CNTNAP3B: variants seen among roughly 807,000 people sequenced by gnomAD.
CNTNAP3B encodes contactin-associated protein-like 3B.
In CNTNAP3B, 25 loss-of-function variants were observed where a neutral mutation model predicts 108.9. That is an observed-to-expected ratio of 0.23 (90% CI 0.17 to 0.32). The LOEUF is 0.32. CNTNAP3B is among the 10% of genes least tolerant of loss of function. The pLI is 1.00. For synonymous variants in CNTNAP3B, 103 were observed against 473.4 expected, an observed-to-expected ratio of 0.22 and a Z score of 10.16; for missense variants, 252 against 1,210.4, an observed-to-expected ratio of 0.21 and a Z score of 11.75.
chr9:41,947,748 C>T (rs1824567330), intron 13 of CNTNAP3B, among the ~76,000 whole-genome samples: 1 of 152,032 alleles, frequency 6.6e-6, no homozygotes. Context: ...AAATCTAGTT[C>T]TAAAAAACAG....
Position 41,965,324 on chromosome 9 carries a change from C to A in CNTNAP3B, c.1650-680G>T, listed in dbSNP as rs1344504570. 3.7e-4 allele frequency among the ~76,000 whole-genome samples: 57 copies of A among 152,102 alleles called. No individual in the cohort carries two copies. The South Asian group carries it at 0.011, about 31-fold the overall frequency. On this transcript the variant is annotated intron_variant, in intron 10 of 23. Transcript: ENST00000377561. The stretch of plus-strand genomic sequence containing the variant: ...TGAACCAGCCAATGTTGAAAAAGAA[C>A]AGTTGGAGGTCTCACACTTTCAGAA...
chr9:41,955,446 T>A (rs1587141641), intron 12 of CNTNAP3B, among the ~76,000 whole-genome samples: 3 of 152,302 alleles, frequency 2.0e-5, no homozygotes, highest in African/African-American at 7.2e-5. Flanking sequence ...GTTTCCCTAA[T>A]TGCTCATAAT....
chr9:41,951,380 C>T (rs1824674880), intron 13 of CNTNAP3B, among the ~76,000 whole-genome samples: 2 of 98,364 alleles, frequency 2.0e-5, no homozygotes, highest in African/African-American at 3.8e-5. Context: ...TTTTTTTAAA[C>T]GATTCCAAAG....
At chr9:41,931,747 T>C (rs1823984887) in intron 14 of CNTNAP3B, among the ~76,000 whole-genome samples, 2 of 149,044 alleles carry the variant, frequency 1.3e-5, no homozygotes, top group African/African-American at 5.0e-5. Flanking sequence ...CTAGGAAATT[T>C]TTTATTAATG....
At chr9:42,096,909 TG>T (rs1233489685) in intron 2 of CNTNAP3B, among the ~76,000 whole-genome samples, 2 of 127,436 alleles carry the variant, frequency 1.6e-5, no homozygotes, top group Non-Finnish European at 3.3e-5. Context: ...TCCGTAACAG[TG>T]GCATGAAACT....
At chr9:41,956,114 T>A (rs142995674) in intron 12 of CNTNAP3B, among the ~76,000 whole-genome samples, 19,505 of 150,204 alleles carry the variant, frequency 0.13, 535 homozygotes, top group South Asian at 0.19. Flanking sequence ...TGGCCAGGCG[T>A]GGTGGCTCAC....
chr9:42,119,981 T>G (rs1233129104), intron 1 of CNTNAP3B, among the ~76,000 whole-genome samples: 1 of 143,804 alleles, frequency 7.0e-6, no homozygotes. Flanking sequence ...AAATGGGATC[T>G]AATTAAACTA....
Position 42,067,994 on chromosome 9 carries a change from C to T in CNTNAP3B, c.390+8875G>A, listed in dbSNP as rs1472339913. Among the ~76,000 whole-genome samples the T allele has an allele frequency of 7.0e-4, 97 of 138,334 alleles. 21 individuals are homozygous for T. The highest frequency in any genetic ancestry group is 2.7e-3 in the African/African-American group (94 of 34,686). 90.8% of individuals were successfully genotyped at this position (138,334 alleles called of 152,430 possible). A position where few individuals can be genotyped will look rare whatever the true frequency, so the allele number is the denominator to read the frequency against. The stretch of plus-strand genomic sequence containing the variant: ...TATTGAGATAATTTATCACTATAGC[C>T]AAAGTTTCAGTGTAGAAAAACACCC... On this transcript the variant is annotated intron_variant, in intron 3 of 23. Coordinates refer to ENST00000377561, the MANE Select transcript of CNTNAP3B (RefSeq NM_001201380.3).
At chr9:41,928,620 T>C (rs1282320162) in intron 15 of CNTNAP3B, among the ~76,000 whole-genome samples, 1 of 152,304 alleles carries the variant, frequency 6.6e-6, no homozygotes, top group Non-Finnish European at 1.5e-5. Flanking sequence ...CTCTCAGAAG[T>C]AGCCCCCACA....
chr9:42,103,516 G>T (rs1755857865), intron 2 of CNTNAP3B, among the ~76,000 whole-genome samples: 1 of 119,208 alleles, frequency 8.4e-6, no homozygotes, highest in South Asian at 2.7e-4. Context: ...GAGGTGAGGA[G>T]ATCCAGACCA....
chr9:42,121,291 T>C (rs1828456705), intron 1 of CNTNAP3B, among the ~76,000 whole-genome samples: 1 of 139,406 alleles, frequency 7.2e-6, no homozygotes, highest in Non-Finnish European at 1.5e-5. Flanking sequence ...ATTTTTCTTC[T>C]CTATTCCATT....
intron 3 of CNTNAP3B, among the ~76,000 whole-genome samples, chr9:42,018,882 G>A (rs1408280586): frequency 5.3e-5 from 8 of 150,956 alleles, no homozygotes; most frequent in Non-Finnish European, 7.4e-5. Context: ...AGACTCTCAC[G>A]TATCTCTAAA....
chr9:41,954,847 C>A (rs549766259), intron 12 of CNTNAP3B, among the ~76,000 whole-genome samples: 2 of 152,246 alleles, frequency 1.3e-5, no homozygotes, highest in Non-Finnish European at 2.9e-5. Flanking sequence ...CCACACCTGG[C>A]TAATTTTTGT....
At chr9:42,041,428 G>T (rs1372299586) in intron 3 of CNTNAP3B, among the ~76,000 whole-genome samples, 11 of 151,356 alleles carry the variant, frequency 7.3e-5, no homozygotes, top group African/African-American at 2.7e-4. Flanking sequence ...GTGGGCAAAG[G>T]ATATGAACAG....
rs1823945606 is a variant in CNTNAP3B, at chr9:41,930,482, G to A, written c.2238-1038C>T. Among the ~76,000 whole-genome samples, 3 of 152,388 alleles carry A rather than the reference G, an allele frequency of 2.0e-5. No homozygotes were observed. The South Asian group carries it at 6.2e-4, about 32-fold the overall frequency. On this transcript the variant is annotated intron_variant, in intron 14 of 23. Transcript: ENST00000377561. ...CCCTTGAGCCTGGGAGGTAGAGGCT[G>A]TAGTGAGCCATGTGTGCAACACTGC...
intron 1 of CNTNAP3B, among the ~76,000 whole-genome samples, chr9:42,113,709 T>C (rs1828248756): frequency 7.2e-6 from 1 of 139,236 alleles, no homozygotes; most frequent in Admixed American, 7.2e-5. Flanking sequence ...ATAGAAAAAA[T>C]GAATAACACC....
At chr9:41,956,240 G>T (rs1824853626) in intron 12 of CNTNAP3B, among the ~76,000 whole-genome samples, 2 of 151,858 alleles carry the variant, frequency 1.3e-5, no homozygotes, top group South Asian at 4.2e-4. Context: ...CAAAAAATTA[G>T]CCGGGCGTGG....
In CNTNAP3B at chr9:41,970,002, T is replaced by C; in HGVS notation, c.1649+72A>G. On this transcript the variant is annotated intron_variant, in intron 10 of 23. Transcript: ENST00000377561. ...ACGAAAAAGAGAACGGAATGCCTTT[T>C]TCCAGCTCTCTACATTTGCTTTCTT... The C allele has an allele frequency of 2.5e-6, 3 of 1,187,540 alleles. 1 individual carries two copies. The African/African-American group carries it at 5.3e-5, about 21-fold the overall frequency. The allele number at this position is 1,187,540 out of a possible 1,614,324, so 73.6% of individuals were successfully genotyped here. A position where few individuals can be genotyped will look rare whatever the true frequency, so the allele number is the denominator to read the frequency against.
chr9:42,001,786 T>C lies in CNTNAP3B; in HGVS notation c.539-3182A>G, dbSNP rs1412084605. 1.5e-5 allele frequency among the ~76,000 whole-genome samples: 2 copies of C among 133,998 alleles called. 1 individual carries two copies. The highest frequency in any genetic ancestry group is 6.1e-5 in the African/African-American group (2 of 33,036). 87.9% of individuals were successfully genotyped at this position (133,998 alleles called of 152,430 possible). ...GCTTTATTAATTAAGATTATAGTTT[T>C]GATTGCTGAATCTCGATCAGTATTA... On this transcript the variant is annotated intron_variant, in intron 4 of 23. Coordinates refer to ENST00000377561, the MANE Select transcript of CNTNAP3B (RefSeq NM_001201380.3).
Sources: allele counts gnomAD v4.1 joint callset (sites outside exome capture counted in the v4.1 genomes callset), GRCh38; gene constraint gnomAD v4.1.1; transcripts MANE v1.5; gene names NCBI Gene and HGNC (gene_info 2026-07-23, HGNC 2026-07-21).